The following PTPRD variants were observed in gnomAD, a reference collection of about 807,000 sequenced individuals.
PTPRD encodes protein tyrosine phosphatase receptor type D.
PTPRD carries 34 observed loss-of-function variants against 214.5 expected under a neutral mutation model. The observed-to-expected ratio is 0.16, with a 90% CI of 0.12 to 0.21. The LOEUF is 0.21. Among genes scored for constraint, PTPRD ranks in the 10% least tolerant of loss-of-function variants. PTPRD has a pLI of 1.00. For missense variants in PTPRD, 2,545 were observed against 2,398.7 expected (o/e 1.06, Z -1.27); for synonymous variants, 1,128 against 845.7 (o/e 1.33, Z -5.79).
chr9:9,087,157 A>AAT (rs1328398312), intron 10 of PTPRD, among the ~76,000 whole-genome samples: 2 of 151,994 alleles, frequency 1.3e-5, no homozygotes, highest in Non-Finnish European at 2.9e-5. Context: ...TTCCAACATT[A>AAT]CTTAAGGTAA....
intron 7 of PTPRD, among the ~76,000 whole-genome samples, chr9:9,687,742 T>G (rs2803366): frequency 6.6e-6 from 1 of 151,746 alleles, no homozygotes; most frequent in African/African-American, 2.4e-5. Flanking sequence ...TTGGTCTCAA[T>G]TGGTCAAAAA....
chr9:9,587,648 G>T (rs1044697436), intron 7 of PTPRD, among the ~76,000 whole-genome samples: 1 of 151,898 alleles, frequency 6.6e-6, no homozygotes, highest in African/African-American at 2.4e-5. Context: ...CTGGGGAATG[G>T]GATCCAAAAT....
chr9:8,934,514 TATATAA>T lies in PTPRD; in HGVS notation c.-104+84177_-104+84182del, dbSNP rs1225834863. On this transcript the variant is annotated intron_variant, in intron 11 of 45. Transcript: ENST00000381196. ...ATATAAATATATATATAAATATATA[TATATAA>T]ATATATATATATATGGGAAACCATA... 1.4e-3 allele frequency among the ~76,000 whole-genome samples: 70 copies of T among 48,308 alleles called. 7 individuals are homozygous for T. The highest frequency in any genetic ancestry group is 8.2e-3 in the East Asian group (8 of 978). The allele number at this position is 48,308 out of a possible 152,430, so 31.7% of individuals were successfully genotyped here.
intron 5 of PTPRD, among the ~76,000 whole-genome samples, chr9:9,843,579 T>C (rs773511221): frequency 8.6e-5 from 13 of 151,898 alleles, no homozygotes; most frequent in Non-Finnish European, 1.8e-4. Flanking sequence ...AAATGATAAA[T>C]GCCTCTCCAC....
At chr9:8,636,927 C>T (rs2154328777) in intron 12 of PTPRD, 83 bp from the exon 13 acceptor site, 2 of 1,361,112 alleles carry the variant, frequency 1.5e-6, no homozygotes, top group Non-Finnish European at 2.0e-6. Context: ...TCCCCACCAT[C>T]CTCAACCACA....
intron 9 of PTPRD, among the ~76,000 whole-genome samples, chr9:9,309,375 A>C (rs1326723342): frequency 2.0e-5 from 3 of 152,190 alleles, no homozygotes; most frequent in Non-Finnish European, 2.9e-5. Context: ...TTTCAGGAGA[A>C]TGTCACAAGC....
chr9:8,864,464 C>T (rs1416703957), intron 11 of PTPRD, among the ~76,000 whole-genome samples: 1 of 152,164 alleles, frequency 6.6e-6, no homozygotes, highest in East Asian at 1.9e-4. Flanking sequence ...ACACGAAGCA[C>T]AGCAGTTTTT....
At chr9:9,120,650 A>C (rs2099816753) in intron 10 of PTPRD, among the ~76,000 whole-genome samples, 1 of 152,202 alleles carries the variant, frequency 6.6e-6, no homozygotes, top group African/African-American at 2.4e-5. Context: ...AGGAGGGTAA[A>C]AATTCATCTT....
At chr9:8,911,417 G>GT (rs2098747249) in intron 11 of PTPRD, among the ~76,000 whole-genome samples, 1 of 120,536 alleles carries the variant, frequency 8.3e-6, no homozygotes, top group African/African-American at 3.2e-5. Context: ...TGTGTGTGTT[G>GT]TGTGTGTGTG....
At position 9,950,830 on chromosome 9, in the gene PTPRD, C is replaced by A. The variant is rs183189857; in HGVS notation, c.-471-12220G>T. 1.7e-4 allele frequency among the ~76,000 whole-genome samples: 26 copies of A among 149,440 alleles called. 1 individual carries two copies. In the East Asian group the frequency reaches 5.1e-3, roughly 29 times the overall value. On this transcript the variant is annotated intron_variant, in intron 4 of 45. Coordinates refer to ENST00000381196, the MANE Select transcript of PTPRD (RefSeq NM_002839.4). ...TAATGCATCTTTTTATTATTTTCCT[C>A]ATTTTTCCTTCCCTCATTCCTATTA... is the stretch of plus-strand genomic sequence containing the variant.
intron 14 of PTPRD, among the ~76,000 whole-genome samples, chr9:8,622,318 G>T (rs1042178049): frequency 3.3e-5 from 5 of 151,832 alleles, no homozygotes; most frequent in Admixed American, 2.6e-4. Context: ...GGACAAAAAG[G>T]TGAGCTTAAT....
At chr9:8,657,191 G>T (rs375775995) in intron 12 of PTPRD, among the ~76,000 whole-genome samples, 1 of 128,342 alleles carries the variant, frequency 7.8e-6, no homozygotes, top group South Asian at 2.5e-4. Context: ...TTTTGAGACA[G>T]AGTTTCACTC....
At chr9:8,581,646 G>T (rs1594458423) in intron 14 of PTPRD, among the ~76,000 whole-genome samples, 1 of 152,074 alleles carries the variant, frequency 6.6e-6, no homozygotes, top group East Asian at 1.9e-4. Context: ...TACTTGGGAG[G>T]CTGAGGCAGG....
chr9:9,776,225 A>G (rs2098797738), intron 5 of PTPRD, among the ~76,000 whole-genome samples: 1 of 152,108 alleles, frequency 6.6e-6, no homozygotes, highest in African/African-American at 2.4e-5. Flanking sequence ...TTGTTCTTGG[A>G]ATACCCTTTT....
intron 2 of PTPRD, among the ~76,000 whole-genome samples, chr9:10,562,519 C>G (rs554763819): frequency 7.2e-5 from 11 of 151,814 alleles, no homozygotes; most frequent in African/African-American, 2.2e-4. Context: ...ACAAATGATC[C>G]AAAACTTTAA....
intron 11 of PTPRD, among the ~76,000 whole-genome samples, chr9:8,849,669 G>A (rs1269355624): frequency 2.0e-5 from 3 of 152,184 alleles, no homozygotes; most frequent in African/African-American, 4.8e-5. Flanking sequence ...AGTATTGGTA[G>A]AACTAAAGAG....
intron 2 of PTPRD, among the ~76,000 whole-genome samples, chr9:10,405,611 T>C (rs1190435451): frequency 1.3e-5 from 2 of 151,630 alleles, no homozygotes; most frequent in African/African-American, 4.8e-5. Context: ...ACTTATATAT[T>C]AGTTTATACT....
At chr9:8,526,715 G>A in intron 16 of PTPRD, 71 bp from the exon 17 acceptor site, 1 of 1,258,192 alleles carries the variant, frequency 7.9e-7, no homozygotes, top group Non-Finnish European at 1.1e-6. Context: ...GGAGGCTAGG[G>A]CTGGGGAGAA....
At chr9:9,622,238 A>G (rs780218138) in intron 7 of PTPRD, among the ~76,000 whole-genome samples, 5 of 152,304 alleles carry the variant, frequency 3.3e-5, no homozygotes, top group Middle Eastern at 3.4e-3. Context: ...CACAAAATTC[A>G]GGGTGCTGAC....
Sources: gnomAD v4.1 joint callset for allele counts (sites outside exome capture counted in the v4.1 genomes callset) on GRCh38, gnomAD v4.1.1 for gene constraint, MANE v1.5 for transcripts, NCBI Gene and HGNC (gene_info 2026-07-23, HGNC 2026-07-21) for gene names.